Variants in SCARB2 observed in about 807,000 individuals in gnomAD.
SCARB2 encodes the protein scavenger receptor class B member 2, also known as lysosome membrane protein 2.
A neutral mutation model predicts 58.6 loss-of-function variants in SCARB2; 29 were observed. That is an observed-to-expected ratio of 0.49 (90% CI 0.37 to 0.67). The LOEUF (loss-of-function observed/expected upper bound fraction) is 0.67, where lower values mean the gene tolerates loss of function less well. SCARB2 is among the 30% of genes least tolerant of loss of function. The pLI is 0.00. For synonymous variants in SCARB2, 195 were observed against 210.1 expected, an observed-to-expected ratio of 0.93 and a Z score of 0.62; for missense variants, 488 against 578.5, an observed-to-expected ratio of 0.84 and a Z score of 1.60.
chr4:76,211,277 A>G (rs1037823616), intron 1 of SCARB2, among the ~76,000 whole-genome samples: 1 of 152,244 alleles, frequency 6.6e-6, no homozygotes, highest in Non-Finnish European at 1.5e-5. Flanking sequence ...TGCGAGTTTC[A>G]TGGTAAATGC....
chr4:76,188,541 A>G (rs1357429628), intron 2 of SCARB2, among the ~76,000 whole-genome samples: 1 of 152,152 alleles, frequency 6.6e-6, no homozygotes, highest in African/African-American at 2.4e-5. Context: ...GAGGTTTCCC[A>G]CCACCACACC....
chr4:76,199,720 G>A (rs17001633), intron 1 of SCARB2, among the ~76,000 whole-genome samples: 7,272 of 152,190 alleles, frequency 0.048, 517 homozygotes, highest in African/African-American at 0.16. Flanking sequence ...AGTGTTACCC[G>A]TGCCATCTGG....
chr4:76,176,065 G>A (rs1282782158), intron 5 of SCARB2, 155 bp from the exon 6 acceptor site: 2 of 912,370 alleles, frequency 2.2e-6, no homozygotes, highest in South Asian at 3.3e-5. Flanking sequence ...TCAAGGGGGA[G>A]AAAAAGTAGG....
chr4:76,212,812 G>C (rs1204228370), intron 1 of SCARB2, among the ~76,000 whole-genome samples: 2 of 152,168 alleles, frequency 1.3e-5, no homozygotes, highest in Non-Finnish European at 2.9e-5. Context: ...GGCCGTTTGA[G>C]AAAAACAAGA....
chr4:76,174,101 G>A (rs764553214), intron 7 of SCARB2, 43 bp downstream of exon 7: 2 of 1,609,104 alleles, frequency 1.2e-6, no homozygotes, highest in Non-Finnish European at 1.7e-6. Context: ...CAATCCTTCT[G>A]CATTCTTGAC....
chr4:76,159,271 C>T lies in SCARB2; in HGVS notation c.*2442G>A, dbSNP rs1410361229. On this transcript the variant is annotated 3_prime_UTR_variant, in exon 12 of 12. Coordinates refer to ENST00000264896, the MANE Select transcript of SCARB2 (RefSeq NM_005506.4). ...TTGGGGGTCTTTCTAAGATAACTGC[C>T]GCAAGAAAATGAGCATGAGAAATAA... 2.0e-5 allele frequency: 3 copies of T among 152,118 alleles called. No individual in the cohort carries two copies. The highest frequency in any genetic ancestry group is 4.4e-5 in the Non-Finnish European group (3 of 68,044). The allele number at this position is 152,118 out of a possible 1,614,324, so 9.4% of individuals were successfully genotyped here.
Position 76,179,499 on chromosome 4 carries a change from A to G in SCARB2, c.612+18T>C. On this transcript the variant is annotated intron_variant, in intron 4 of 11. Coordinates refer to ENST00000264896, the MANE Select transcript of SCARB2 (RefSeq NM_005506.4). ...TGTCAGCTAAAAAAAGAGGTTCTGAAAAGAAAAATCTACTTACCTCATAGA... is the reference window on the plus strand; with the variant it reads ...TGTCAGCTAAAAAAAGAGGTTCTGAGAAGAAAAATCTACTTACCTCATAGA... 1 of 1,599,616 alleles carries G rather than the reference A, an allele frequency of 6.3e-7. No individual in the cohort carries two copies. Among genetic ancestry groups the G allele is most frequent in the Non-Finnish European group, 8.6e-7 (1 of 1,166,842 alleles).
chr4:76,199,700 G>C (rs1303072399), intron 1 of SCARB2, among the ~76,000 whole-genome samples: 4 of 152,168 alleles, frequency 2.6e-5, no homozygotes, highest in African/African-American at 4.8e-5. Flanking sequence ...GAACTCTCAG[G>C]GTTTCCTCGA....
Position 76,166,309 on chromosome 4 carries a change from G to A in SCARB2, c.1188-8C>T, listed in dbSNP as rs1244277148. ...CTAATGTCTCCCGTTTCACTACAAA[G>A]ACAAAGGATGAGATTGTTTCAGAAA... On this transcript the variant is annotated splice_polypyrimidine_tract_variant and splice_region_variant and intron_variant, in intron 9 of 11. Coordinates refer to ENST00000264896, the MANE Select transcript of SCARB2 (RefSeq NM_005506.4). 1 of 1,613,902 alleles carries A rather than the reference G, an allele frequency of 6.2e-7. No homozygotes were observed. Among genetic ancestry groups the A allele is most frequent in the Admixed American group, 1.7e-5 (1 of 60,018 alleles).
At chr4:76,188,065 T>A (rs1286906154) in intron 2 of SCARB2, among the ~76,000 whole-genome samples, 1 of 152,200 alleles carries the variant, frequency 6.6e-6, no homozygotes. Context: ...ATTTAGTAAA[T>A]ACTTCTTAGA....
At chr4:76,182,964 ACAT>A (rs1732414654) in intron 2 of SCARB2, among the ~76,000 whole-genome samples, 1 of 152,236 alleles carries the variant, frequency 6.6e-6, no homozygotes, top group Admixed American at 6.5e-5. Context: ...CGAAGTCAAA[ACAT>A]CATTCAAGTT....
chr4:76,198,839 TGA>T (rs201034693), intron 1 of SCARB2, among the ~76,000 whole-genome samples: 2,919 of 128,624 alleles, frequency 0.023, 79 homozygotes, highest in African/African-American at 0.096. Flanking sequence ...GGAGAGTGAG[TGA>T]GTGTGTGTGT....
chr4:76,190,929 T>C lies in SCARB2; in HGVS notation c.275+4778A>G, dbSNP rs187781958. Among the ~76,000 whole-genome samples, 547 of 152,324 alleles carry C rather than the reference T, an allele frequency of 3.6e-3. 3 individuals are homozygous for C. Among genetic ancestry groups the C allele is most frequent in the Non-Finnish European group, 4.6e-3 (310 of 68,026 alleles). Reference sequence around the variant, plus strand: ...TCTGAAATGAAATGTTCTATAAGTGTAAAATGCACACAGGATTTCAAAGAC... The same window carrying C: ...TCTGAAATGAAATGTTCTATAAGTGCAAAATGCACACAGGATTTCAAAGAC... On this transcript the variant is annotated intron_variant, in intron 2 of 11. Coordinates refer to ENST00000264896, the MANE Select transcript of SCARB2 (RefSeq NM_005506.4).
At chr4:76,213,197 G>T in intron 1 of SCARB2, 1 of 549,868 alleles carries the variant, frequency 1.8e-6, no homozygotes. Context: ...CTTTTTAAAA[G>T]TCAGGATCCA....
At chr4:76,220,036 G>A (rs959951610) in intron 1 of SCARB2, among the ~76,000 whole-genome samples, 5 of 152,184 alleles carry the variant, frequency 3.3e-5, no homozygotes, top group Admixed American at 6.5e-5. Flanking sequence ...TGCACTGCAA[G>A]CTATCTTAAG....
rs1161743141 is a variant in SCARB2, at chr4:76,195,734, A to G, written c.248T>C (p.Val83Ala). 3.7e-6 allele frequency: 6 copies of G among 1,613,800 alleles called. No individual in the cohort carries two copies. The highest frequency in any genetic ancestry group is 5.1e-6 in the Non-Finnish European group (6 of 1,179,718). The change falls in exon 2 of 12, where the codon GTG becomes GCG. Residue 83 changes from valine (V) to alanine (A), a missense_variant. Transcript: ENST00000264896. Reference sequence around the variant, plus strand: ...GTAGGTGTATGGCCCCACTTCTTCCACCCGAGGGGTCTCCCCTCTGAGGAT... The same window carrying G: ...GTAGGTGTATGGCCCCACTTCTTCCGCCCGAGGGGTCTCCCCTCTGAGGAT... ...EEILRGETPR[V>A]EEVGPYTYRE...
chr4:76,221,290 C>T (rs1264107729), intron 1 of SCARB2, among the ~76,000 whole-genome samples: 2 of 152,122 alleles, frequency 1.3e-5, no homozygotes, highest in African/African-American at 2.4e-5. Flanking sequence ...TTTCTTTTCC[C>T]CACTAAAGCC....
At chr4:76,205,647 A>G (rs1029378678) in intron 1 of SCARB2, among the ~76,000 whole-genome samples, 3 of 152,166 alleles carry the variant, frequency 2.0e-5, no homozygotes, top group African/African-American at 4.8e-5. Context: ...CTGTCTCTGG[A>G]AAGTGTGTAA....
chr4:76,176,752 A>C, intron 4 of SCARB2: 1 of 441,754 alleles, frequency 2.3e-6, no homozygotes, highest in Non-Finnish European at 4.0e-6. Context: ...TACAAGCAAA[A>C]ACAGAGGTTT....
Sources: allele counts gnomAD v4.1 joint callset (sites outside exome capture counted in the v4.1 genomes callset), GRCh38; gene constraint gnomAD v4.1.1; transcripts MANE v1.5; gene names NCBI Gene and HGNC (gene_info 2026-07-23, HGNC 2026-07-21).